KLF16: variants seen among roughly 807,000 people sequenced by gnomAD.
KLF16 encodes the protein Krueppel-like factor 16.
KLF16 carries 6 observed loss-of-function variants against 6.1 expected under a neutral mutation model. The observed-to-expected ratio is 0.98, with a 90% CI of 0.54 to 1.93. KLF16 has a LOEUF of 1.93. KLF16 is among the 30% of genes most tolerant of loss of function. The probability of loss-of-function intolerance (pLI) is 0.01; values close to 1 mark genes in which losing one functional copy is unlikely to be tolerated. For synonymous variants in KLF16, 211 were observed against 176.5 expected, an observed-to-expected ratio of 1.20 and a Z score of -1.55; for missense variants, 355 against 363.8, an observed-to-expected ratio of 0.98 and a Z score of 0.20.
upstream of KLF16, among the ~76,000 whole-genome samples, chr19:1,864,853 C>T (rs2012159437): frequency 6.6e-6 from 1 of 152,156 alleles, no homozygotes; most frequent in Non-Finnish European, 1.5e-5. Context: ...CGCGACCGCG[C>T]TCCCGCCCCT....
intron 1 of KLF16, among the ~76,000 whole-genome samples, chr19:1,858,388 C>CAA (rs1410403032): frequency 6.6e-6 from 1 of 152,188 alleles, no homozygotes; most frequent in Non-Finnish European, 1.5e-5. Context: ...TGGTGCCCCC[C>CAA]AAGCACCCTT....
the KLF16 span, chr19:1,874,890 A>C: frequency 6.6e-6 from 1 of 152,208 alleles, no homozygotes; most frequent in African/African-American, 2.4e-5. Flanking sequence ...AATGGCTTTT[A>C]AATAGTCAAA....
intron 1 of KLF16, chr19:1,861,539 G>A (rs1197082234): frequency 2.0e-5 from 3 of 152,266 alleles, no homozygotes; most frequent in African/African-American, 7.2e-5. Flanking sequence ...GTAACACCCT[G>A]GGACCCCTCC....
rs2011976937 is a variant in KLF16 at position 1,857,428 on chromosome 19, G to C, written c.458-2668C>G. ...TGGGTGGGGACAACGCGGGAGGGCA[G>C]TGTGGGCGGGGCCGCGGTGGACTTG... On this transcript the variant is annotated intron_variant, in intron 1 of 1. Coordinates refer to ENST00000250916, the MANE Select transcript of KLF16 (RefSeq NM_031918.4). The surrounding 1 kb of genome is among the most constrained non-coding windows in gnomAD (Gnocchi z 4.7). 6.6e-6 allele frequency among the ~76,000 whole-genome samples: 1 copy of C among 152,242 alleles called. No homozygotes were observed. The highest frequency in any genetic ancestry group is 6.5e-5 in the Admixed American group (1 of 15,290).
At chr19:1,868,738 G>A in the KLF16 span, among the ~76,000 whole-genome samples, 2 of 151,520 alleles carry the variant, frequency 1.3e-5, no homozygotes, top group African/African-American at 2.4e-5. Context: ...TCCCTCCTGG[G>A]TTCAAGCAAT....
At chr19:1,873,357 G>A in the KLF16 span, among the ~76,000 whole-genome samples, 2 of 152,212 alleles carry the variant, frequency 1.3e-5, no homozygotes, top group Non-Finnish European at 2.9e-5. Flanking sequence ...CCCACTGGAA[G>A]GGCCTAGCCC....
At chr19:1,874,226 G>C in the KLF16 span, among the ~76,000 whole-genome samples, 2 of 152,190 alleles carry the variant, frequency 1.3e-5, no homozygotes, top group Admixed American at 1.3e-4. Context: ...TGCTGTTCAG[G>C]AGAAAAAAGA....
chr19:1,864,361 C>T (rs972261487), upstream of KLF16, among the ~76,000 whole-genome samples: 20 of 152,338 alleles, frequency 1.3e-4, no homozygotes, highest in African/African-American at 4.3e-4. Context: ...TCTGGGGTTC[C>T]CCCTCGCCGC....
chr19:1,871,612 G>A, the KLF16 span, among the ~76,000 whole-genome samples: 11 of 152,142 alleles, frequency 7.2e-5, no homozygotes, highest in Admixed American at 6.5e-4. Flanking sequence ...GTGTTAAGGC[G>A]TTAAATCACT....
the KLF16 span, among the ~76,000 whole-genome samples, chr19:1,871,346 C>T: frequency 1.3e-5 from 2 of 152,122 alleles, no homozygotes; most frequent in African/African-American, 2.4e-5. Flanking sequence ...AGGGACTGGA[C>T]GGGCTGCGGA....
At chr19:1,872,982 G>A in the KLF16 span, among the ~76,000 whole-genome samples, 7 of 152,240 alleles carry the variant, frequency 4.6e-5, no homozygotes, top group East Asian at 1.9e-4. Flanking sequence ...CGGACTCAGA[G>A]GTGGACAGGC....
rs1253327688 is a variant in KLF16, at chr19:1,853,661, G to C, written c.*798C>G. ...GCAGCCTCTCTCACCCACCCACCCAGAGAGGGCGAGCTAGGGCCCCCACAC... is the reference window on the plus strand; with the variant it reads ...GCAGCCTCTCTCACCCACCCACCCACAGAGGGCGAGCTAGGGCCCCCACAC... On this transcript the variant is annotated 3_prime_UTR_variant, in exon 2 of 2. Transcript: ENST00000250916. The C allele has an allele frequency of 1.3e-5, 2 of 152,674 alleles. No individual in the cohort carries two copies. 9.5% of individuals were successfully genotyped at this position (152,674 alleles called of 1,614,324 possible).
In KLF16 at chr19:1,854,380, C is replaced by T. The variant is rs1399383972; in HGVS notation, c.*79G>A. The T allele has an allele frequency of 7.4e-7, 1 of 1,358,498 alleles. No homozygotes were observed. The allele number at this position is 1,358,498 out of a possible 1,614,324, so 84.2% of individuals were successfully genotyped here. A position where few individuals can be genotyped will look rare whatever the true frequency, so the allele number is the denominator to read the frequency against. ...AGGGTTTGCCCACGGCTGGAAGGGG[C>T]CCAGGCTCCCCGTGGGTCCTCACTA... On this transcript the variant is annotated 3_prime_UTR_variant, in exon 2 of 2. Coordinates refer to ENST00000250916, the MANE Select transcript of KLF16 (RefSeq NM_031918.4).
chr19:1,862,506 G>C (rs979513153), intron 1 of KLF16, among the ~76,000 whole-genome samples: 15 of 152,018 alleles, frequency 9.9e-5, no homozygotes, highest in Non-Finnish European at 1.8e-4. Flanking sequence ...AGAACGCAGA[G>C]AAAACGTGCC....
chr19:1,859,930 A>AC (rs1478717774), intron 1 of KLF16, among the ~76,000 whole-genome samples: 13 of 151,194 alleles, frequency 8.6e-5, no homozygotes, highest in Non-Finnish European at 1.3e-4. Flanking sequence ...ACACTGCATA[A>AC]CCCCCTGCAG....
upstream of KLF16, among the ~76,000 whole-genome samples, chr19:1,867,932 G>GTGTGTGTGTA (rs1045590466): frequency 1.8e-5 from 1 of 55,596 alleles, no homozygotes; most frequent in African/African-American, 3.8e-5. Flanking sequence ...AAGGACGTGT[G>GTGTGTGTGTA]TGTGTGTGTG....
Position 1,863,034 on chromosome 19 carries a change from C to G in KLF16, c.457+7G>C. The G allele has an allele frequency of 2.2e-6, 3 of 1,370,880 alleles. No homozygotes were observed. The highest frequency in any genetic ancestry group is 2.9e-6 in the Non-Finnish European group (3 of 1,040,966). The allele number at this position is 1,370,880 out of a possible 1,614,324, so 84.9% of individuals were successfully genotyped here. ...CCCGCAAGGGCCGGGATCGCGGCTG[C>G]ACTCACCTGTGTGCGTCCGCAGGTG... On this transcript the variant is annotated splice_region_variant and intron_variant, in intron 1 of 1. Transcript: ENST00000250916.
upstream of KLF16, among the ~76,000 whole-genome samples, chr19:1,867,913 G>T (rs4806815): frequency 0.24 from 35,450 of 147,308 alleles, 5,361 homozygotes; most frequent in African/African-American, 0.43. Context: ...AGAAGAGGGG[G>T]TAATATGTAA....
Position 1,853,558 on chromosome 19 carries a change from T to G in KLF16, c.*901A>C, listed in dbSNP as rs1051663134. Reference sequence around the variant, plus strand: ...GCCGCAGTCGTCGTTAAGGGAGAGTTGATTGTCACGTGATACCGCAACGGC... The same window carrying G: ...GCCGCAGTCGTCGTTAAGGGAGAGTGGATTGTCACGTGATACCGCAACGGC... On this transcript the variant is annotated 3_prime_UTR_variant, in exon 2 of 2. Transcript: ENST00000250916. The G allele has an allele frequency of 6.6e-5, 10 of 152,370 alleles. No individual in the cohort carries two copies. Among genetic ancestry groups the G allele is most frequent in the African/African-American group, 2.4e-4 (10 of 41,372 alleles). The allele number at this position is 152,370 out of a possible 1,614,324, so 9.4% of individuals were successfully genotyped here.
Sources: gnomAD v4.1 joint callset for allele counts (sites outside exome capture counted in the v4.1 genomes callset) on GRCh38, gnomAD v4.1.1 for gene constraint, Gnocchi (gnomAD v3.1) non-coding constraint, MANE v1.5 for transcripts, NCBI Gene and HGNC (gene_info 2026-07-23, HGNC 2026-07-21) for gene names.